Variants in CEP83 observed in about 807,000 individuals in gnomAD.
CEP83 encodes centrosomal protein 83.
A neutral mutation model predicts 101.9 loss-of-function variants in CEP83; 70 were observed. That is an observed-to-expected ratio of 0.69 (90% CI 0.57 to 0.84). CEP83 has a LOEUF of 0.84. CEP83 is among the 40% of genes least tolerant of loss of function. The pLI is 0.00. For synonymous variants in CEP83, 264 were observed against 267.9 expected (o/e 0.99, Z 0.14); for missense variants, 715 against 787.2 (o/e 0.91, Z 1.10).
the CEP83 span, chr12:94,297,207 A>C: frequency 3.7e-6 from 6 of 1,614,038 alleles, no homozygotes; most frequent in Non-Finnish European, 5.1e-6. Context: ...TACTCGGATG[A>C]CCACTGCCAT....
chr12:94,440,978 A>G (rs1331825384), intron 1 of CEP83, among the ~76,000 whole-genome samples: 1 of 152,254 alleles, frequency 6.6e-6, no homozygotes, highest in African/African-American at 2.4e-5. Flanking sequence ...GACAAGCCAC[A>G]TGTAAAAGAA....
chr12:94,456,857 C>G (rs569819100), intron 1 of CEP83, among the ~76,000 whole-genome samples: 8 of 152,260 alleles, frequency 5.3e-5, no homozygotes, highest in Admixed American at 3.9e-4. Context: ...TTGGAAAAGA[C>G]TAAGGATACA....
At chr12:94,313,818 A>G (rs1393810264) in intron 14 of CEP83, among the ~76,000 whole-genome samples, 6 of 152,186 alleles carry the variant, frequency 3.9e-5, no homozygotes, top group Non-Finnish European at 7.3e-5. Flanking sequence ...GCCTGGCAAA[A>G]AAGCAAGACT....
chr12:94,270,735 C>A, the CEP83 span, among the ~76,000 whole-genome samples: 1 of 151,506 alleles, frequency 6.6e-6, no homozygotes, highest in Non-Finnish European at 1.5e-5. Flanking sequence ...GTGAGAGAAA[C>A]CTAAATTTGA....
Position 94,312,959 on chromosome 12 carries a change from T to C in CEP83, c.1766A>G (p.Glu589Gly). Residue 589 changes from glutamate to glycine, a missense_variant, in exon 15 of 17, where the codon GAG becomes GGG. Transcript: ENST00000397809. ...KRLQEKVEVLEAKKEELETEN... is the reference protein window; with the variant it reads ...KRLQEKVEVLGAKKEELETEN... ...TGTTTCCAATTCTTCTTTCTTTGCC[T>C]CCAAGACTTCTACTTTCTCTTGTAG... 6.3e-7 allele frequency: 1 copy of C among 1,594,086 alleles called. No individual in the cohort carries two copies. Among genetic ancestry groups the C allele is most frequent in the African/African-American group, 1.3e-5 (1 of 74,370 alleles).
chr12:94,415,655 A>G (rs993599584), intron 2 of CEP83, among the ~76,000 whole-genome samples: 12 of 150,596 alleles, frequency 8.0e-5, no homozygotes, highest in African/African-American at 2.7e-4. Flanking sequence ...AGATGTGACA[A>G]TTTTAAATTT....
At chr12:94,276,906 C>T in the CEP83 span, 1 of 152,170 alleles carries the variant, frequency 6.6e-6, no homozygotes, top group Non-Finnish European at 1.5e-5. Flanking sequence ...GAAACTCGTA[C>T]AGGCCAGACG....
downstream of CEP83, chr12:94,304,089 C>A: frequency 3.2e-6 from 4 of 1,252,318 alleles, no homozygotes; most frequent in South Asian, 1.3e-5. Context: ...ACCTTTGAAT[C>A]AGGCACAAGG....
At chr12:94,285,500 C>T in the CEP83 span, among the ~76,000 whole-genome samples, 1 of 152,184 alleles carries the variant, frequency 6.6e-6, no homozygotes, top group African/African-American at 2.4e-5. Flanking sequence ...CGTGCTCACT[C>T]TCCTATAGCT....
chr12:94,342,746 A>C (rs1349386087), intron 11 of CEP83, among the ~76,000 whole-genome samples: 1 of 152,170 alleles, frequency 6.6e-6, no homozygotes, highest in Non-Finnish European at 1.5e-5. Context: ...TGGAAACTAT[A>C]TGAAAACAGA....
intron 1 of CEP83, among the ~76,000 whole-genome samples, chr12:94,446,830 C>T (rs921100917): frequency 6.6e-6 from 1 of 152,146 alleles, no homozygotes; most frequent in East Asian, 1.9e-4. Context: ...AAGAAATAAT[C>T]GCCAAAAACT....
At chr12:94,432,417 G>A (rs1310776803) in intron 2 of CEP83, among the ~76,000 whole-genome samples, 3 of 152,074 alleles carry the variant, frequency 2.0e-5, no homozygotes, top group Non-Finnish European at 4.4e-5. Context: ...ATTCAGCTAT[G>A]AGAAAGAATG....
the CEP83 span, chr12:94,294,526 C>A: frequency 7.7e-7 from 1 of 1,298,796 alleles, no homozygotes; most frequent in Non-Finnish European, 1.1e-6. Flanking sequence ...AAGAAGATAG[C>A]AAATTTTACT....
the CEP83 span, chr12:94,297,072 A>C: frequency 1.0e-6 from 1 of 962,156 alleles, no homozygotes; most frequent in Non-Finnish European, 1.6e-6. Context: ...GCTCAAGTCA[A>C]AAAGCTCAAG....
chr12:94,345,110 C>A (rs1426849476), intron 11 of CEP83, among the ~76,000 whole-genome samples: 1 of 152,116 alleles, frequency 6.6e-6, no homozygotes, highest in Non-Finnish European at 1.5e-5. Flanking sequence ...TACCTTACAC[C>A]ACATAAAAGT....
intron 11 of CEP83, among the ~76,000 whole-genome samples, chr12:94,360,054 C>T (rs918130972): frequency 3.9e-5 from 6 of 152,034 alleles, no homozygotes; most frequent in African/African-American, 1.2e-4. Context: ...GCAGAAAAAG[C>T]GTCTGACAAA....
At chr12:94,286,183 CCA>C in the CEP83 span, among the ~76,000 whole-genome samples, 2 of 152,158 alleles carry the variant, frequency 1.3e-5, no homozygotes, top group African/African-American at 4.8e-5. Context: ...GCCTCATACC[CCA>C]GTGTTGCTGC....
intron 6 of CEP83, 132 bp downstream of exon 6, chr12:94,400,718 C>T: frequency 4.8e-6 from 2 of 413,762 alleles, no homozygotes; most frequent in East Asian, 9.7e-5. Flanking sequence ...TGATGAAAAT[C>T]ATGATGAATA....
intron 6 of CEP83, among the ~76,000 whole-genome samples, chr12:94,396,436 G>A (rs754083094): frequency 1.7e-4 from 26 of 151,382 alleles, no homozygotes; most frequent in Admixed American, 1.3e-4. Context: ...CTACAGGTGC[G>A]TGCCACCACA....
Sources: gnomAD v4.1 joint callset for allele counts (sites outside exome capture counted in the v4.1 genomes callset) on GRCh38, gnomAD v4.1.1 for gene constraint, MANE v1.5 for transcripts, NCBI Gene and HGNC (gene_info 2026-07-23, HGNC 2026-07-21) for gene names.